GABPB1: variants seen among roughly 807,000 people sequenced by gnomAD.
GABPB1 encodes GA-binding protein subunit beta-1.
Under a neutral mutation model 45.9 loss-of-function variants are expected in GABPB1, and 15 were observed. The ratio of observed to expected loss-of-function variants is 0.33; its 90% CI spans 0.22 to 0.50. The LOEUF is 0.50. Among genes scored for constraint, GABPB1 ranks in the 20% least tolerant of loss-of-function variants. The probability of loss-of-function intolerance (pLI) is 0.98; values close to 1 mark genes in which losing one functional copy is unlikely to be tolerated. For missense variants in GABPB1, 252 were observed against 457.5 expected (o/e 0.55, Z 4.10); for synonymous variants, 143 against 154.4 (o/e 0.93, Z 0.55).
intron 8 of GABPB1, among the ~76,000 whole-genome samples, chr15:50,282,873 G>A (rs1043785738): frequency 2.6e-5 from 4 of 152,044 alleles, no homozygotes; most frequent in East Asian, 1.9e-4. Flanking sequence ...TGGCCAACCC[G>A]GTAAAACCCC....
chr15:50,307,069 G>A (rs976857707), intron 2 of GABPB1, among the ~76,000 whole-genome samples: 7 of 152,002 alleles, frequency 4.6e-5, no homozygotes, highest in East Asian at 1.9e-4. Context: ...GTCTTCTCTC[G>A]GGAATAGTCT....
chr15:50,354,689 CGCGGCATGCTAGGGCCGAGGAGGGG>C (rs2049022416), intron 1 of GABPB1: 2 of 409,412 alleles, frequency 4.9e-6, no homozygotes, highest in East Asian at 2.1e-4. Flanking sequence ...GCGAGGCGGC[CGCGGCATGCTAGGGCCGAGGAGGGG>C]GCGGCGGCCG....
intron 7 of GABPB1, among the ~76,000 whole-genome samples, chr15:50,288,400 G>T (rs749481911): frequency 1.3e-5 from 2 of 152,086 alleles, no homozygotes; most frequent in Admixed American, 6.5e-5. Flanking sequence ...CTTCTTTTAG[G>T]GGGAGACAAG....
At chr15:50,282,560 G>GAAAAAGAAAAAAAAAAA (rs2046013980) in intron 8 of GABPB1, among the ~76,000 whole-genome samples, 4 of 88,992 alleles carry the variant, frequency 4.5e-5, no homozygotes, top group African/African-American at 1.5e-4. Flanking sequence ...CCTTAAAAAA[G>GAAAAAGAAAAAAAAAAA]AAAAAAAAAA....
chr15:50,337,075 GTATATA>G (rs869106382), intron 1 of GABPB1, among the ~76,000 whole-genome samples: 233 of 13,914 alleles, frequency 0.017, 1 homozygote, highest in Middle Eastern at 0.11. Flanking sequence ...ATATGTGTGT[GTATATA>G]TATATATATA....
intron 1 of GABPB1, among the ~76,000 whole-genome samples, chr15:50,325,538 T>G (rs959810348): frequency 6.6e-6 from 1 of 151,072 alleles, no homozygotes; most frequent in African/African-American, 2.4e-5. Flanking sequence ...TTTTTTTTTG[T>G]TTTTTTTTCT....
intron 8 of GABPB1, among the ~76,000 whole-genome samples, chr15:50,283,454 G>T (rs995644417): frequency 6.6e-6 from 1 of 151,278 alleles, no homozygotes; most frequent in Non-Finnish European, 1.5e-5. Flanking sequence ...TTTTTCCAGA[G>T]ACTCTTGGCA....
Position 50,277,797 on chromosome 15 carries a change from A to C in GABPB1, c.*835T>G, listed in dbSNP as rs183789051. On this transcript the variant is annotated 3_prime_UTR_variant, in exon 9 of 9. Transcript: ENST00000380877. The stretch of plus-strand genomic sequence containing the variant: ...ATACAGTTTCACGTCCCCACTCTTA[A>C]ATTTTCAAAAAAGCACAGATTTTGC... 4.4e-4 allele frequency: 67 copies of C among 152,716 alleles called. No homozygotes were observed. Among genetic ancestry groups the C allele is most frequent in the African/African-American group, 1.6e-3 (66 of 41,564 alleles). The allele number at this position is 152,716 out of a possible 1,614,324, so 9.5% of individuals were successfully genotyped here.
intron 1 of GABPB1, among the ~76,000 whole-genome samples, chr15:50,343,365 G>A (rs1219486572): frequency 6.6e-6 from 1 of 151,908 alleles, no homozygotes; most frequent in Non-Finnish European, 1.5e-5. Flanking sequence ...ACAAAAGTCA[G>A]CAATTCTTTG....
intron 6 of GABPB1, among the ~76,000 whole-genome samples, chr15:50,297,623 T>A (rs1240209748): frequency 6.6e-6 from 1 of 152,172 alleles, no homozygotes; most frequent in Non-Finnish European, 1.5e-5. Context: ...GATGGACAGA[T>A]CAGAAGTTCG....
At chr15:50,290,173 AATTTAC>A (rs1340048349) in intron 6 of GABPB1, among the ~76,000 whole-genome samples, 2 of 152,230 alleles carry the variant, frequency 1.3e-5, no homozygotes, top group Admixed American at 1.3e-4. Context: ...AGTCTCTCAT[AATTTAC>A]AATACATCAG....
intron 1 of GABPB1, among the ~76,000 whole-genome samples, chr15:50,328,324 T>C (rs1292966072): frequency 1.3e-5 from 2 of 152,250 alleles, no homozygotes; most frequent in East Asian, 3.9e-4. Flanking sequence ...TAGGACACTT[T>C]CCCTTTCTCC....
rs1191251916 is a variant in GABPB1 at position 50,278,525 on chromosome 15, GTCTCT to G, written c.*102_*106del. 3 of 779,958 alleles carry G rather than the reference GTCTCT, an allele frequency of 3.8e-6. No homozygotes were observed. Among genetic ancestry groups the G allele is most frequent in the Non-Finnish European group, 5.8e-6 (3 of 519,994 alleles). The allele number at this position is 779,958 out of a possible 1,614,324, so 48.3% of individuals were successfully genotyped here. On this transcript the variant is annotated 3_prime_UTR_variant, in exon 9 of 9. Coordinates refer to ENST00000380877, the MANE Select transcript of GABPB1 (RefSeq NM_016654.5). ...GCTTAAGTCCAATTATCCATCTGTA[GTCTCT>G]TCTATCATTCTGTATTCCCATGGCT...
intron 1 of GABPB1, chr15:50,350,082 G>A (rs934755128): frequency 6.6e-5 from 10 of 152,084 alleles, no homozygotes; most frequent in Admixed American, 6.5e-4. Flanking sequence ...TGAGAAGGCA[G>A]TACCCCACTG....
At chr15:50,344,072 G>A (rs922301926) in intron 1 of GABPB1, among the ~76,000 whole-genome samples, 41 of 152,158 alleles carry the variant, frequency 2.7e-4, no homozygotes, top group Non-Finnish European at 8.8e-5. Context: ...TATAACATCA[G>A]AGATTAGAAC....
Position 50,303,009 on chromosome 15 carries a change from G to A in GABPB1, c.391C>T (p.His131Tyr), listed in dbSNP as rs2046812754. 1 of 1,613,468 alleles carries A rather than the reference G, an allele frequency of 6.2e-7. No homozygotes were observed. The highest frequency in any genetic ancestry group is 1.3e-5 in the African/African-American group (1 of 74,892). ...ELLIKYGADV[H>Y]TQSKFCKTAF... ...GTTTTACAAAATTTACTTTGCGTGT[G>A]TACATCAGCACCATATTTGATTAAA... Residue 131 changes from histidine (H) to tyrosine (Y), a missense_variant, in exon 4 of 9, where the codon CAC (histidine) becomes TAC (tyrosine). Coordinates refer to ENST00000380877, the MANE Select transcript of GABPB1 (RefSeq NM_016654.5).
chr15:50,333,295 T>G (rs1196736061), intron 1 of GABPB1, among the ~76,000 whole-genome samples: 1 of 152,164 alleles, frequency 6.6e-6, no homozygotes, highest in African/African-American at 2.4e-5. Flanking sequence ...ACCTCGTCTC[T>G]ACAAATAATT....
In GABPB1 at chr15:50,289,571, T is replaced by A. The variant is rs775906598; in HGVS notation, c.795A>T (p.Thr265=). Residue 265 remains threonine, a synonymous_variant, in exon 7 of 9, where the codon ACA becomes ACT. Transcript: ENST00000380877. ...GCAAATTTCCAAGCTGAATTCCATC[T>A]GTAACTATTGTGATGACTTGCTGAC... is the stretch of plus-strand genomic sequence containing the variant. ...SGGQQVITIV[T]DGIQLGNLHS... 5 of 1,613,934 alleles carry A rather than the reference T, an allele frequency of 3.1e-6. No homozygotes were observed. The Admixed American group carries it at 8.3e-5, about 27-fold the overall frequency.
At chr15:50,309,891 T>C (rs981382141) in intron 1 of GABPB1, 93 bp from the exon 2 acceptor site, 1 of 744,630 alleles carries the variant, frequency 1.3e-6, no homozygotes, top group Non-Finnish European at 2.4e-6. Flanking sequence ...ATAAGTCAGT[T>C]CTCAATTATC....
Sources: allele counts gnomAD v4.1 joint callset (sites outside exome capture counted in the v4.1 genomes callset), GRCh38; gene constraint gnomAD v4.1.1; transcripts MANE v1.5; gene names NCBI Gene and HGNC (gene_info 2026-07-23, HGNC 2026-07-21).